BTBD10: variants seen among roughly 807,000 people sequenced by gnomAD.
BTBD10 encodes BTB/POZ domain-containing protein 10.
In BTBD10, 21 loss-of-function variants were observed where a neutral mutation model predicts 53.2. The ratio of observed to expected loss-of-function variants is 0.39; its 90% CI spans 0.28 to 0.57. The LOEUF (loss-of-function observed/expected upper bound fraction) is 0.57. Ranked by LOEUF, BTBD10 falls within the 20% of genes least tolerant of loss-of-function variation. The pLI, the probability that BTBD10 is intolerant of heterozygous loss-of-function variation, is 0.53. For synonymous variants in BTBD10, 149 were observed against 192.7 expected, an observed-to-expected ratio of 0.77 and a Z score of 1.88; for missense variants, 360 against 594.7, an observed-to-expected ratio of 0.61 and a Z score of 4.10.
intron 1 of BTBD10, among the ~76,000 whole-genome samples, chr11:13,458,135 CAAAAAAAA>C (rs35036994): frequency 4.8e-5 from 3 of 62,882 alleles, no homozygotes; most frequent in Non-Finnish European, 9.8e-5. Flanking sequence ...GACTCCATCT[CAAAAAAAA>C]AAAAAAAAAA....
At chr11:13,456,862 T>C (rs757124338) in intron 1 of BTBD10, among the ~76,000 whole-genome samples, 35 of 152,126 alleles carry the variant, frequency 2.3e-4, no homozygotes, top group Non-Finnish European at 4.4e-4. Flanking sequence ...ACACTGCCAA[T>C]GAAAAGTACA....
intron 3 of BTBD10, among the ~76,000 whole-genome samples, chr11:13,420,242 C>T (rs1308149305): frequency 6.6e-6 from 1 of 151,636 alleles, no homozygotes; most frequent in Non-Finnish European, 1.5e-5. Context: ...CTAAAACCAG[C>T]AATTTATCTC....
At chr11:13,400,336 C>A (rs1949682586) in intron 8 of BTBD10, among the ~76,000 whole-genome samples, 1 of 152,222 alleles carries the variant, frequency 6.6e-6, no homozygotes. Flanking sequence ...GGGTGTAGGA[C>A]CCTCAGAGCC....
intron 4 of BTBD10, 30 bp from the exon 5 acceptor site, chr11:13,417,290 C>T: frequency 6.9e-7 from 1 of 1,451,776 alleles, no homozygotes; most frequent in East Asian, 2.3e-5. Context: ...AGAAATACGT[C>T]AATAGAATAC....
intron 2 of BTBD10, among the ~76,000 whole-genome samples, chr11:13,442,271 C>T (rs1017019905): frequency 6.6e-6 from 1 of 152,150 alleles, no homozygotes; most frequent in Admixed American, 6.6e-5. Context: ...GAAACAAAAT[C>T]AGCCATGAGT....
At chr11:13,419,773 T>C (rs367791678) in intron 3 of BTBD10, 28 bp from the exon 4 acceptor site, 9 of 1,495,674 alleles carry the variant, frequency 6.0e-6, no homozygotes, top group Admixed American at 2.3e-5. Flanking sequence ...GACGAAGTTA[T>C]GCAAATTTTC....
At chr11:13,405,558 G>T in intron 7 of BTBD10, 101 bp downstream of exon 7, 1 of 1,279,204 alleles carries the variant, frequency 7.8e-7, no homozygotes, top group Non-Finnish European at 1.1e-6. Flanking sequence ...GTGATGGGCT[G>T]GATTGACCCC....
intron 2 of BTBD10, among the ~76,000 whole-genome samples, chr11:13,441,245 A>G (rs1950643590): frequency 6.6e-6 from 1 of 152,154 alleles, no homozygotes; most frequent in South Asian, 2.1e-4. Flanking sequence ...AATTTTTAAA[A>G]GAGATATACA....
intron 8 of BTBD10, among the ~76,000 whole-genome samples, chr11:13,402,584 A>G (rs530620606): frequency 5.9e-5 from 9 of 152,316 alleles, no homozygotes; most frequent in Non-Finnish European, 1.3e-4. Context: ...TCTTATGGGT[A>G]TTTTAAAATA....
chr11:13,438,654 A>G (rs896222518), intron 2 of BTBD10, among the ~76,000 whole-genome samples: 2 of 151,954 alleles, frequency 1.3e-5, no homozygotes, highest in Admixed American at 1.3e-4. Context: ...AGATTTTTAT[A>G]TATACACAGA....
At chr11:13,393,831 C>G (rs1343846299) in intron 8 of BTBD10, among the ~76,000 whole-genome samples, 1 of 152,134 alleles carries the variant, frequency 6.6e-6, no homozygotes, top group East Asian at 1.9e-4. Flanking sequence ...TCAAATCACA[C>G]AGACTTGGAT....
At chr11:13,449,904 A>G (rs1283448660) in intron 1 of BTBD10, among the ~76,000 whole-genome samples, 1 of 152,226 alleles carries the variant, frequency 6.6e-6, no homozygotes, top group African/African-American at 2.4e-5. Context: ...AGCATTTATT[A>G]GGCCCTTCCC....
intron 1 of BTBD10, 83 bp from the exon 2 acceptor site, chr11:13,445,264 T>G (rs1950732197): frequency 2.0e-6 from 1 of 493,194 alleles, no homozygotes; most frequent in South Asian, 4.3e-5. Context: ...TTGATATTAT[T>G]GTGACATATT....
intron 2 of BTBD10, among the ~76,000 whole-genome samples, chr11:13,431,850 G>A (rs923532259): frequency 6.6e-6 from 1 of 151,816 alleles, no homozygotes; most frequent in African/African-American, 2.4e-5. Flanking sequence ...AAAACATCAG[G>A]GCCTTGTTTT....
At chr11:13,417,298 T>A (rs1258738398) in intron 4 of BTBD10, 38 bp from the exon 5 acceptor site, 7 of 1,409,656 alleles carry the variant, frequency 5.0e-6, no homozygotes, top group Non-Finnish European at 6.8e-6. Context: ...GTCAATAGAA[T>A]ACTTCCTTCA....
At chr11:13,418,513 T>C (rs1228951389) in intron 4 of BTBD10, among the ~76,000 whole-genome samples, 1 of 152,112 alleles carries the variant, frequency 6.6e-6, no homozygotes, top group Non-Finnish European at 1.5e-5. Context: ...CTGATTTCTG[T>C]CGATAATCCT....
intron 1 of BTBD10, among the ~76,000 whole-genome samples, 159 bp from the exon 2 acceptor site, chr11:13,445,340 C>T (rs1371474620): frequency 1.3e-5 from 2 of 152,066 alleles, no homozygotes; most frequent in African/African-American, 4.8e-5. Context: ...TTAAAATAAA[C>T]ACCAGGGGTC....
chr11:13,413,773 T>A, intron 5 of BTBD10, 123 bp from the exon 6 acceptor site: 2 of 949,848 alleles, frequency 2.1e-6, no homozygotes, highest in Non-Finnish European at 2.9e-6. Context: ...CTCTGAAATG[T>A]GGAAGTTTAA....
chr11:13,417,287 C>T lies in BTBD10; in HGVS notation c.585-27G>A, dbSNP rs554936945. 92 of 1,492,526 alleles carry T rather than the reference C, an allele frequency of 6.2e-5. No homozygotes were observed. The East Asian group carries it at 1.6e-3, about 26-fold the overall frequency. 92.5% of individuals were successfully genotyped at this position (1,492,526 alleles called of 1,614,324 possible). A position where few individuals can be genotyped will look rare whatever the true frequency, so the allele number is the denominator to read the frequency against. On this transcript the variant is annotated intron_variant, in intron 4 of 8. Transcript: ENST00000278174. ...TATGATAGTAAATAATTGAGAAATACGTCAATAGAATACTTCCTTCAAAAG... is the reference window on the plus strand; with the variant it reads ...TATGATAGTAAATAATTGAGAAATATGTCAATAGAATACTTCCTTCAAAAG...
Sources: gnomAD v4.1 joint callset for allele counts (sites outside exome capture counted in the v4.1 genomes callset) on GRCh38, gnomAD v4.1.1 for gene constraint, MANE v1.5 for transcripts, NCBI Gene and HGNC (gene_info 2026-07-23, HGNC 2026-07-21) for gene names.